Variants in CCDC38 observed in about 807,000 individuals in gnomAD.
CCDC38 encodes coiled-coil domain-containing protein 38.
Under a neutral mutation model 72.8 loss-of-function variants are expected in CCDC38, and 69 were observed. The observed-to-expected ratio is 0.95, with a 90% confidence interval of 0.78 to 1.16. The LOEUF (loss-of-function observed/expected upper bound fraction) is 1.16, where lower values mean the gene tolerates loss of function less well. Among genes scored for constraint, CCDC38 ranks in the 50% most tolerant of loss-of-function variants. CCDC38 has a pLI of 0.00. For missense variants in CCDC38, 626 were observed against 638.9 expected (o/e 0.98, Z 0.22); for synonymous variants, 201 against 213.2 (o/e 0.94, Z 0.50).
At chr12:95,907,656 C>T (rs557086449) in intron 4 of CCDC38, among the ~76,000 whole-genome samples, 33 of 115,924 alleles carry the variant, frequency 2.8e-4, no homozygotes, top group Non-Finnish European at 3.5e-4. Flanking sequence ...GGGTGGCTGC[C>T]GGGCAGAGGG....
chr12:95,934,858 A>G (rs1226287925), intron 2 of CCDC38: 1 of 152,036 alleles, frequency 6.6e-6, no homozygotes, highest in African/African-American at 2.4e-5. Flanking sequence ...AAAATACAAA[A>G]ATTAGCCAGG....
intron 13 of CCDC38, among the ~76,000 whole-genome samples, chr12:95,876,455 A>C (rs1002306816): frequency 2.6e-5 from 4 of 152,188 alleles, no homozygotes; most frequent in Non-Finnish European, 5.9e-5. Flanking sequence ...GATGATGAAA[A>C]AGTTGTGGAA....
At chr12:95,885,732 A>G (rs1018197844) in intron 10 of CCDC38, 1 of 152,448 alleles carries the variant, frequency 6.6e-6, no homozygotes, top group Non-Finnish European at 1.5e-5. Flanking sequence ...CACAAAGTAA[A>G]ACATGTGAAC....
chr12:95,920,762 T>C (rs947957874), intron 2 of CCDC38, among the ~76,000 whole-genome samples: 2 of 151,992 alleles, frequency 1.3e-5, no homozygotes, highest in Non-Finnish European at 2.9e-5. Context: ...AGTGAAAATG[T>C]TCTAAAATTG....
chr12:95,872,750 T>C (rs1450393130), intron 13 of CCDC38, among the ~76,000 whole-genome samples: 1 of 152,166 alleles, frequency 6.6e-6, no homozygotes, highest in Non-Finnish European at 1.5e-5. Flanking sequence ...AATTTTTGTA[T>C]TTTTAGTGGA....
intron 1 of CCDC38, among the ~76,000 whole-genome samples, chr12:95,940,640 G>A (rs1306670539): frequency 6.6e-6 from 1 of 152,086 alleles, no homozygotes; most frequent in East Asian, 1.9e-4. Flanking sequence ...TGTGAACTGT[G>A]TCCTTGGATG....
At chr12:95,912,111 G>A (rs765707120) in intron 4 of CCDC38, among the ~76,000 whole-genome samples, 2 of 152,178 alleles carry the variant, frequency 1.3e-5, no homozygotes, top group Non-Finnish European at 2.9e-5. Context: ...AATTAACACA[G>A]AAACAGAAAA....
At chr12:95,903,732 A>G (rs1174718656) in intron 5 of CCDC38, 4 of 358,776 alleles carry the variant, frequency 1.1e-5, no homozygotes, top group Non-Finnish European at 2.0e-5. Flanking sequence ...TTCTTAGATT[A>G]AACCCTAATT....
Position 95,932,628 on chromosome 12 carries a change from G to A in CCDC38, c.37+3845C>T, listed in dbSNP as rs190576743. On this transcript the variant is annotated intron_variant, in intron 2 of 15. Coordinates refer to ENST00000344280, the MANE Select transcript of CCDC38 (RefSeq NM_182496.3). The stretch of plus-strand genomic sequence containing the variant: ...CATAATCTTAAAATACATTAAAGTA[G>A]ATCTAAATTAATAGAGAGATGAGTC... Among the ~76,000 whole-genome samples the A allele has an allele frequency of 5.1e-3, 776 of 152,250 alleles. 3 individuals are homozygous for A. Among genetic ancestry groups the A allele is most frequent in the Non-Finnish European group, 8.7e-3 (595 of 68,026 alleles).
At chr12:95,920,615 A>G (rs2080194534) in intron 2 of CCDC38, among the ~76,000 whole-genome samples, 1 of 152,126 alleles carries the variant, frequency 6.6e-6, no homozygotes, top group South Asian at 2.1e-4. Context: ...ACCACACATT[A>G]TATGATTCCA....
chr12:95,940,625 G>A (rs1400746853), intron 1 of CCDC38, among the ~76,000 whole-genome samples: 5 of 152,076 alleles, frequency 3.3e-5, no homozygotes, highest in Non-Finnish European at 7.4e-5. Context: ...ACTAGGAAAA[G>A]GGGCTGTGAA....
Position 95,878,365 on chromosome 12 carries a change from G to A in CCDC38, c.1143-19C>T. On this transcript the variant is annotated intron_variant, in intron 12 of 15. Transcript: ENST00000344280. ...GCTATTTCTATTACAAAAGAAGAAAGAGACCCTCATCTGAAATTTGTGGTT... is the reference window on the plus strand; with the variant it reads ...GCTATTTCTATTACAAAAGAAGAAAAAGACCCTCATCTGAAATTTGTGGTT... 1.2e-6 allele frequency: 2 copies of A among 1,604,678 alleles called. No individual in the cohort carries two copies. The highest frequency in any genetic ancestry group is 4.5e-5 in the East Asian group (2 of 44,770).
At chr12:95,906,113 T>C (rs2121491206) in intron 5 of CCDC38, among the ~76,000 whole-genome samples, 1 of 152,346 alleles carries the variant, frequency 6.6e-6, no homozygotes, top group East Asian at 1.9e-4. Context: ...TTTTCTAGAA[T>C]AATTTTTCTG....
rs1481931948 is a variant in CCDC38 at position 95,890,874 on chromosome 12, C to G, written c.829G>C (p.Ala277Pro). 8.1e-6 allele frequency: 13 copies of G among 1,607,076 alleles called. No homozygotes were observed. Among genetic ancestry groups the G allele is most frequent in the Non-Finnish European group, 1.1e-5 (13 of 1,175,430 alleles). ...EGILEESGRT[A>P]VLSEDASQGR... ...TGAGAAGCATCTTCTGAAAGGACAGCTGTCCTCCCGGACTCCTCAAGGATG... is the reference window on the plus strand; with the variant it reads ...TGAGAAGCATCTTCTGAAAGGACAGGTGTCCTCCCGGACTCCTCAAGGATG... The change falls in exon 9 of 16, where the codon GCT (alanine) becomes CCT (proline). Residue 277 changes from alanine (A) to proline (P), a missense_variant. Transcript: ENST00000344280.
At chr12:95,890,784 G>T in intron 9 of CCDC38, 48 bp downstream of exon 9, 1 of 1,157,370 alleles carries the variant, frequency 8.6e-7, no homozygotes, top group Non-Finnish European at 1.3e-6. Context: ...ACTTTGAGAT[G>T]GACACATTCG....
chr12:95,869,240 G>T (rs1304224077), intron 15 of CCDC38, among the ~76,000 whole-genome samples: 1 of 152,006 alleles, frequency 6.6e-6, no homozygotes, highest in East Asian at 1.9e-4. Flanking sequence ...AATGAACCTA[G>T]GTCTAAAAAG....
At chr12:95,907,589 C>G (rs1328501946) in intron 4 of CCDC38, among the ~76,000 whole-genome samples, 1 of 138,810 alleles carries the variant, frequency 7.2e-6, no homozygotes, top group Middle Eastern at 3.4e-3. Context: ...ACTGACACCC[C>G]CACCTCCCTC....
chr12:95,873,686 C>T (rs1273547443), intron 13 of CCDC38, among the ~76,000 whole-genome samples: 1 of 152,212 alleles, frequency 6.6e-6, no homozygotes, highest in Admixed American at 6.5e-5. Flanking sequence ...CCTGCTTCCA[C>T]TCAAGAAGAT....
chr12:95,919,765 C>T (rs751244140), intron 2 of CCDC38: 4 of 383,276 alleles, frequency 1.0e-5, no homozygotes, highest in Non-Finnish European at 2.1e-5. Context: ...GCAACAGATA[C>T]AGCCACTACC....
Sources: allele counts gnomAD v4.1 joint callset (sites outside exome capture counted in the v4.1 genomes callset), GRCh38; gene constraint gnomAD v4.1.1; transcripts MANE v1.5; gene names NCBI Gene and HGNC (gene_info 2026-07-23, HGNC 2026-07-21).